Variants in TXNDC16 observed in about 807,000 individuals in gnomAD.
The protein encoded by TXNDC16 is thioredoxin domain containing 16.
TXNDC16 carries 74 observed loss-of-function variants against 85.6 expected under a neutral mutation model. That is an observed-to-expected ratio of 0.86 (90% CI 0.72 to 1.05). TXNDC16 has a LOEUF of 1.05. Among genes scored for constraint, TXNDC16 ranks in the 50% least tolerant of loss-of-function variants. TXNDC16 has a pLI of 0.00. For missense variants in TXNDC16, 959 were observed against 947.0 expected (o/e 1.01, Z -0.17); for synonymous variants, 335 against 326.5 (o/e 1.03, Z -0.28).
At chr14:52,457,007 G>T in intron 17 of TXNDC16, 83 bp downstream of exon 17, 2 of 968,682 alleles carry the variant, frequency 2.1e-6, no homozygotes, top group Non-Finnish European at 1.6e-6. Flanking sequence ...TCCTCCATCA[G>T]CTGTGTAAAT....
At chr14:52,467,439 T>C (rs983774010) in intron 16 of TXNDC16, among the ~76,000 whole-genome samples, 13 of 151,788 alleles carry the variant, frequency 8.6e-5, no homozygotes, top group Non-Finnish European at 1.3e-4. Flanking sequence ...GGCAAAGGAG[T>C]TACAGACATT....
At chr14:52,546,952 T>C (rs148719204) in intron 1 of TXNDC16, among the ~76,000 whole-genome samples, 1 of 152,342 alleles carries the variant, frequency 6.6e-6, no homozygotes, top group Non-Finnish European at 1.5e-5. Flanking sequence ...GACATGTACC[T>C]GATTAACTTA....
At chr14:52,544,012 A>T (rs2037890147) in intron 2 of TXNDC16, among the ~76,000 whole-genome samples, 1 of 152,102 alleles carries the variant, frequency 6.6e-6, no homozygotes, top group Non-Finnish European at 1.5e-5. Flanking sequence ...TACCATTTAG[A>T]TGGGAGTGAA....
In TXNDC16 at chr14:52,511,358, A is replaced by G; in HGVS notation, c.638T>C (p.Phe213Ser). The change falls in exon 9 of 21, where the codon TTT becomes TCT. Residue 213 changes from phenylalanine (F) to serine (S), a missense_variant. By Grantham distance (155) the Phe-to-Ser change is radical. Coordinates refer to ENST00000281741, the MANE Select transcript of TXNDC16 (RefSeq NM_020784.3). ...SEDVEYAHLY[F>S]FHCKLVLDLT... ...GTCCAAGACTAGTTTACAATGAAAAAAGTAGAGATGTGCATATTCCACATC... is the reference window on the plus strand; with the variant it reads ...GTCCAAGACTAGTTTACAATGAAAAGAGTAGAGATGTGCATATTCCACATC... The G allele has an allele frequency of 1.2e-6, 2 of 1,603,636 alleles. No homozygotes were observed. Among genetic ancestry groups the G allele is most frequent in the Non-Finnish European group, 1.7e-6 (2 of 1,173,240 alleles).
chr14:52,528,794 T>C (rs1215886488), intron 6 of TXNDC16, among the ~76,000 whole-genome samples: 1 of 148,350 alleles, frequency 6.7e-6, no homozygotes, highest in African/African-American at 2.5e-5. Flanking sequence ...TATGCAAAAA[T>C]CAATCTTTCA....
chr14:52,430,631 A>T lies in TXNDC16; in HGVS notation c.*1673T>A, dbSNP rs905122752. 1 of 152,244 alleles carries T rather than the reference A, an allele frequency of 6.6e-6. No individual in the cohort carries two copies. Among genetic ancestry groups the T allele is most frequent in the Non-Finnish European group, 1.5e-5 (1 of 68,044 alleles). The allele number at this position is 152,244 out of a possible 1,614,324, so 9.4% of individuals were successfully genotyped here. A position where few individuals can be genotyped will look rare whatever the true frequency, so the allele number is the denominator to read the frequency against. On this transcript the variant is annotated 3_prime_UTR_variant, in exon 21 of 21. Transcript: ENST00000281741. ...CCCAGACACTTTATTTAAAATTATG[A>T]CAAACATTAATGACTGTCAAAATTG...
Position 52,537,653 on chromosome 14 carries a change from T to C in TXNDC16, c.263A>G (p.Glu88Gly). The C allele has an allele frequency of 6.3e-7, 1 of 1,586,492 alleles. No homozygotes were observed. The highest frequency in any genetic ancestry group is 8.6e-7 in the Non-Finnish European group (1 of 1,157,236). ...TTCTTTTCCACAGTATCTTGATATTTCTTCTTTGACACAATTAACCTTTAA... is the reference window on the plus strand; with the variant it reads ...TTCTTTTCCACAGTATCTTGATATTCCTTCTTTGACACAATTAACCTTTAA... ...SVAKVNCVKE[E>G]ISRYCGKEKD... Residue 88 changes from glutamate to glycine, a missense_variant, in exon 5 of 21, where the codon GAA becomes GGA. Transcript: ENST00000281741.
chr14:52,552,143 G>A (rs1232191775), intron 1 of TXNDC16, among the ~76,000 whole-genome samples, 173 bp downstream of exon 1: 1 of 152,192 alleles, frequency 6.6e-6, no homozygotes, highest in Non-Finnish European at 1.5e-5. Context: ...AAAAGAGAAA[G>A]CAAAATGCCC....
At chr14:52,473,513 A>G (rs2035954012) in intron 14 of TXNDC16, among the ~76,000 whole-genome samples, 1 of 152,196 alleles carries the variant, frequency 6.6e-6, no homozygotes, top group African/African-American at 2.4e-5. Context: ...CTTTGATGTT[A>G]TCTTTAAAAC....
At chr14:52,521,327 T>G (rs1566575964) in intron 6 of TXNDC16, among the ~76,000 whole-genome samples, 1 of 151,520 alleles carries the variant, frequency 6.6e-6, no homozygotes, top group Non-Finnish European at 1.5e-5. Context: ...TTCACCATAT[T>G]GGCCAGGCTG....
chr14:52,437,642 T>C (rs1246454539), intron 20 of TXNDC16, among the ~76,000 whole-genome samples: 1 of 152,030 alleles, frequency 6.6e-6, no homozygotes, highest in Non-Finnish European at 1.5e-5. Flanking sequence ...CAGAATGGAA[T>C]AAAATATTAG....
chr14:52,549,944 T>C (rs530616907), intron 1 of TXNDC16, among the ~76,000 whole-genome samples: 1 of 152,174 alleles, frequency 6.6e-6, no homozygotes, highest in African/African-American at 2.4e-5. Context: ...ACCCAAACAG[T>C]TCTGCTTTTA....
chr14:52,450,654 T>C (rs1303704099), intron 18 of TXNDC16, among the ~76,000 whole-genome samples: 3 of 152,068 alleles, frequency 2.0e-5, no homozygotes, highest in African/African-American at 2.4e-5. Flanking sequence ...ACTTTTACAC[T>C]GCTGGTGGGA....
chr14:52,462,108 T>C (rs149971718), intron 16 of TXNDC16, among the ~76,000 whole-genome samples: 2 of 152,338 alleles, frequency 1.3e-5, no homozygotes, highest in South Asian at 2.1e-4. Context: ...CATATAGACA[T>C]AGAGACATCC....
intron 20 of TXNDC16, among the ~76,000 whole-genome samples, chr14:52,432,972 C>T (rs1311139191): frequency 6.6e-6 from 1 of 152,156 alleles, no homozygotes; most frequent in Non-Finnish European, 1.5e-5. Flanking sequence ...TCCCTCTCTA[C>T]TGCCAAAGAA....
intron 6 of TXNDC16, among the ~76,000 whole-genome samples, chr14:52,532,503 C>T (rs974150051): frequency 6.6e-6 from 1 of 151,960 alleles, no homozygotes; most frequent in Non-Finnish European, 1.5e-5. Flanking sequence ...GTGGCGCGAT[C>T]TCAGCTCACT....
intron 6 of TXNDC16, among the ~76,000 whole-genome samples, chr14:52,533,819 G>A (rs565877905): frequency 6.6e-6 from 1 of 152,242 alleles, no homozygotes; most frequent in Admixed American, 6.5e-5. Context: ...GGGGTGTGGG[G>A]TAAGAGCGGA....
intron 14 of TXNDC16, among the ~76,000 whole-genome samples, chr14:52,477,302 G>A (rs2036039995): frequency 6.6e-6 from 1 of 152,136 alleles, no homozygotes; most frequent in Admixed American, 6.6e-5. Flanking sequence ...ATAGCATGAT[G>A]AATGGAATGG....
intron 17 of TXNDC16, among the ~76,000 whole-genome samples, chr14:52,455,908 C>T (rs982732180): frequency 6.6e-6 from 1 of 151,982 alleles, no homozygotes; most frequent in African/African-American, 2.4e-5. Context: ...CCATTATGAC[C>T]TCATTTTGCA....
Sources: gnomAD v4.1 joint callset for allele counts (sites outside exome capture counted in the v4.1 genomes callset) on GRCh38, gnomAD v4.1.1 for gene constraint, MANE v1.5 for transcripts, NCBI Gene and HGNC (gene_info 2026-07-23, HGNC 2026-07-21) for gene names.